SYNDIG1: variants seen among roughly 807,000 people sequenced by gnomAD.
SYNDIG1 encodes synapse differentiation inducing 1.
Under a neutral mutation model 19.4 loss-of-function variants are expected in SYNDIG1, and 9 were observed. The observed-to-expected ratio is 0.46, with a 90% CI of 0.28 to 0.81. SYNDIG1 has a LOEUF of 0.81. Ranked by LOEUF, SYNDIG1 falls within the 30% of genes least tolerant of loss-of-function variation. The pLI is 0.12. For missense variants in SYNDIG1, 311 were observed against 343.3 expected, an observed-to-expected ratio of 0.91 and a Z score of 0.74; for synonymous variants, 141 against 145.9, an observed-to-expected ratio of 0.97 and a Z score of 0.24.
intron 1 of SYNDIG1, among the ~76,000 whole-genome samples, chr20:24,473,584 C>G (rs1417673999): frequency 6.6e-6 from 1 of 152,106 alleles, no homozygotes; most frequent in Non-Finnish European, 1.5e-5. Flanking sequence ...TATGTCCAGG[C>G]AGCATATTGG....
At chr20:24,514,063 G>T (rs891877428) in intron 1 of SYNDIG1, among the ~76,000 whole-genome samples, 4 of 152,096 alleles carry the variant, frequency 2.6e-5, no homozygotes, top group South Asian at 2.1e-4. Flanking sequence ...CCTTTACAGA[G>T]AAGCAAATGC....
At chr20:24,595,695 A>G (rs1275502614) in intron 3 of SYNDIG1, among the ~76,000 whole-genome samples, 1 of 152,192 alleles carries the variant, frequency 6.6e-6, no homozygotes, top group Non-Finnish European at 1.5e-5. Context: ...TCAGGGGTTC[A>G]ATTTCTTCCT....
At chr20:24,513,514 G>A (rs1568600227) in intron 1 of SYNDIG1, among the ~76,000 whole-genome samples, 1 of 152,196 alleles carries the variant, frequency 6.6e-6, no homozygotes, top group Non-Finnish European at 1.5e-5. Flanking sequence ...CAACTGGAAG[G>A]AAGGGTATCA....
chr20:24,598,222 A>T (rs947610828), intron 3 of SYNDIG1, among the ~76,000 whole-genome samples: 1 of 152,182 alleles, frequency 6.6e-6, no homozygotes, highest in Admixed American at 6.5e-5. Context: ...GCACTCACGA[A>T]ACAAGAATGG....
intron 2 of SYNDIG1, among the ~76,000 whole-genome samples, chr20:24,581,745 G>T (rs898754749): frequency 2.6e-5 from 4 of 151,932 alleles, no homozygotes; most frequent in Non-Finnish European, 5.9e-5. Context: ...CCTCCCCACT[G>T]CATTTCCTCC....
At chr20:24,515,797 C>G (rs6114754) in intron 1 of SYNDIG1, among the ~76,000 whole-genome samples, 16,485 of 152,214 alleles carry the variant, frequency 0.11, 1,242 homozygotes, top group African/African-American at 0.21. Flanking sequence ...CCATCCCCAT[C>G]AAGCTAACAA....
At chr20:24,663,900 G>A (rs113080648) in intron 3 of SYNDIG1, among the ~76,000 whole-genome samples, 16 of 152,254 alleles carry the variant, frequency 1.1e-4, no homozygotes, top group Middle Eastern at 3.4e-3. Context: ...AATTGTGTTC[G>A]AAGATGTGGG....
Position 24,655,984 on chromosome 20 carries a change from C to T in SYNDIG1, c.619-9362C>T, listed in dbSNP as rs749543341. ...AGCAGAGGAGTCAGACACCATCGTG[C>T]GTGTACTATGGGACCTATAGGGAGT... On this transcript the variant is annotated intron_variant, in intron 3 of 3. Coordinates refer to ENST00000376862, the MANE Select transcript of SYNDIG1 (RefSeq NM_024893.3). Among the ~76,000 whole-genome samples the T allele has an allele frequency of 6.6e-5, 10 of 152,162 alleles. No individual in the cohort carries two copies. The East Asian group carries it at 1.5e-3, about 23-fold the overall frequency.
At chr20:24,654,226 T>C (rs1281066754) in intron 3 of SYNDIG1, among the ~76,000 whole-genome samples, 3 of 151,932 alleles carry the variant, frequency 2.0e-5, no homozygotes, top group Admixed American at 1.3e-4. Flanking sequence ...AGTGATTTCC[T>C]GACACTTGAG....
At chr20:24,611,266 T>C (rs1427635512) in intron 3 of SYNDIG1, among the ~76,000 whole-genome samples, 1 of 152,178 alleles carries the variant, frequency 6.6e-6, no homozygotes, top group Non-Finnish European at 1.5e-5. Flanking sequence ...TCTCATGACC[T>C]GCCTCTTTTT....
In SYNDIG1 at chr20:24,574,801, TAC is replaced by T. The variant is rs566938829; in HGVS notation, c.481-10049_481-10048del. Among the ~76,000 whole-genome samples, 139 of 152,336 alleles carry T rather than the reference TAC, an allele frequency of 9.1e-4. 1 individual carries two copies. The highest frequency in any genetic ancestry group is 2.2e-3 in the Admixed American group (33 of 15,306). On this transcript the variant is annotated intron_variant, in intron 2 of 3. Transcript: ENST00000376862. ...ACCTTCACAAAGACAAACCAGGAGC[TAC>T]ACACAGAGGTGAATCTTAATGAATT... is the stretch of plus-strand genomic sequence containing the variant.
At chr20:24,639,146 A>G (rs2147331296) in intron 3 of SYNDIG1, among the ~76,000 whole-genome samples, 1 of 152,310 alleles carries the variant, frequency 6.6e-6, no homozygotes, top group East Asian at 1.9e-4. Context: ...TGGAGACAGG[A>G]GGGGTGCACA....
chr20:24,550,293 A>G (rs944855627), intron 2 of SYNDIG1, among the ~76,000 whole-genome samples: 7 of 152,202 alleles, frequency 4.6e-5, no homozygotes, highest in African/African-American at 1.7e-4. Flanking sequence ...CAACAAACGC[A>G]TGGTGTAGAT....
intron 3 of SYNDIG1, among the ~76,000 whole-genome samples, chr20:24,660,902 C>T (rs563661043): frequency 2.6e-5 from 4 of 152,356 alleles, no homozygotes; most frequent in Middle Eastern, 3.4e-3. Flanking sequence ...CTGAGGGGGC[C>T]GGTCAGCCGC....
chr20:24,520,709 T>A (rs1474108156), intron 1 of SYNDIG1, among the ~76,000 whole-genome samples: 1 of 150,714 alleles, frequency 6.6e-6, no homozygotes, highest in Non-Finnish European at 1.5e-5. Flanking sequence ...AAAAAAAAAA[T>A]TACAGTAAGT....
chr20:24,525,346 C>T (rs2057101618), intron 1 of SYNDIG1, among the ~76,000 whole-genome samples: 1 of 137,916 alleles, frequency 7.3e-6, no homozygotes, highest in Non-Finnish European at 1.5e-5. Flanking sequence ...AGCTGGAGTA[C>T]AGTGGCACGA....
At chr20:24,599,355 G>A (rs1205839839) in intron 3 of SYNDIG1, among the ~76,000 whole-genome samples, 2 of 152,208 alleles carry the variant, frequency 1.3e-5, no homozygotes, top group Non-Finnish European at 2.9e-5. Context: ...TAAGTATGCA[G>A]AGAAATGGGA....
intron 2 of SYNDIG1, among the ~76,000 whole-genome samples, chr20:24,576,614 T>C (rs2058231835): frequency 1.3e-5 from 2 of 152,200 alleles, no homozygotes; most frequent in African/African-American, 4.8e-5. Flanking sequence ...ATCTGAGCAC[T>C]TGGCGCTGAC....
At chr20:24,591,484 A>G (rs1389990969) in intron 3 of SYNDIG1, among the ~76,000 whole-genome samples, 1 of 151,402 alleles carries the variant, frequency 6.6e-6, no homozygotes, top group African/African-American at 2.4e-5. Context: ...GTAAATGGAG[A>G]GTGAGAAATG....
Sources: gnomAD v4.1 joint callset for allele counts (sites outside exome capture counted in the v4.1 genomes callset) on GRCh38, gnomAD v4.1.1 for gene constraint, MANE v1.5 for transcripts, NCBI Gene and HGNC (gene_info 2026-07-23, HGNC 2026-07-21) for gene names.